Variants in MECOM observed in about 807,000 individuals in gnomAD.
MECOM encodes the protein MDS1 and EVI1 complex locus.
In MECOM, 13 loss-of-function variants were observed where a neutral mutation model predicts 116.3. The observed-to-expected ratio is 0.11, with a 90% CI of 0.07 to 0.18. MECOM has a LOEUF of 0.18. Ranked by LOEUF, MECOM falls within the 10% of genes least tolerant of loss-of-function variation. MECOM has a pLI of 1.00. For missense variants in MECOM, 1,299 were observed against 1,509.0 expected (o/e 0.86, Z 2.31); for synonymous variants, 528 against 535.2 (o/e 0.99, Z 0.19).
chr3:169,510,933 C>T (rs541056415), intron 1 of MECOM, among the ~76,000 whole-genome samples: 61 of 152,310 alleles, frequency 4.0e-4, no homozygotes, highest in Non-Finnish European at 6.9e-4. Flanking sequence ...AATCATCACC[C>T]TTTGCCACTG....
At chr3:169,620,069 G>A (rs1204442723) in intron 1 of MECOM, among the ~76,000 whole-genome samples, 4 of 152,188 alleles carry the variant, frequency 2.6e-5, no homozygotes, top group African/African-American at 4.8e-5. Context: ...CATCCGAGCC[G>A]AAGCAATGGG....
At chr3:169,613,353 C>G (rs536834518) in intron 1 of MECOM, among the ~76,000 whole-genome samples, 58 of 152,242 alleles carry the variant, frequency 3.8e-4, no homozygotes, top group African/African-American at 1.3e-3. Flanking sequence ...TTTTTAACAT[C>G]GGGGCGGAAA....
intron 1 of MECOM, among the ~76,000 whole-genome samples, chr3:169,650,090 A>G (rs1358013576): frequency 6.6e-6 from 1 of 152,260 alleles, no homozygotes; most frequent in Non-Finnish European, 1.5e-5. Context: ...TTTATAACTT[A>G]TAATCAAAAA....
At chr3:169,640,675 C>T (rs1363232282) in intron 1 of MECOM, among the ~76,000 whole-genome samples, 1 of 152,226 alleles carries the variant, frequency 6.6e-6, no homozygotes, top group Non-Finnish European at 1.5e-5. Context: ...AACATCACCA[C>T]ACCCTTATGA....
At position 169,367,178 on chromosome 3, in the gene MECOM, G is replaced by A. The variant is rs1040194031; in HGVS notation, c.375+14009C>T. ...GAGTGCTGGATTATGAGGAGAGTGAGAATTTTGAGAGGAGAGAGTCTGAAA... is the reference window on the plus strand; with the variant it reads ...GAGTGCTGGATTATGAGGAGAGTGAAAATTTTGAGAGGAGAGAGTCTGAAA... On this transcript the variant is annotated intron_variant, in intron 2 of 16. Transcript: ENST00000651503. Among the ~76,000 whole-genome samples the A allele has an allele frequency of 7.9e-5, 12 of 152,056 alleles. No homozygotes were observed. In the South Asian group the frequency reaches 8.3e-4, roughly 10 times the overall value.
chr3:169,544,355 G>C (rs559710025), intron 1 of MECOM, among the ~76,000 whole-genome samples: 6 of 152,218 alleles, frequency 3.9e-5, no homozygotes, highest in African/African-American at 1.4e-4. Context: ...ATAGAAAAAG[G>C]CATACTTCTT....
At chr3:169,379,024 A>T (rs2108264728) in intron 2 of MECOM, among the ~76,000 whole-genome samples, 1 of 152,072 alleles carries the variant, frequency 6.6e-6, no homozygotes, top group East Asian at 1.9e-4. Context: ...AATAGGAGGA[A>T]AACCAGCTAG....
intron 1 of MECOM, among the ~76,000 whole-genome samples, chr3:169,527,855 C>T (rs1758138626): frequency 1.3e-5 from 2 of 152,212 alleles, no homozygotes; most frequent in Admixed American, 6.5e-5. Flanking sequence ...TGGGTCACAG[C>T]TTCACTCCAC....
intron 2 of MECOM, among the ~76,000 whole-genome samples, chr3:169,174,337 C>T (rs1744848212): frequency 6.6e-6 from 1 of 152,142 alleles, no homozygotes; most frequent in Non-Finnish European, 1.5e-5. Flanking sequence ...GATCCTACCA[C>T]CAAGCACTTC....
chr3:169,556,377 G>T lies in MECOM; in HGVS notation c.37+106959C>A, dbSNP rs41418746. 6.5e-3 allele frequency among the ~76,000 whole-genome samples: 997 copies of T among 152,272 alleles called. 14 individuals carry two copies. The highest frequency in any genetic ancestry group is 0.023 in the African/African-American group (953 of 41,552). ...GATCTACTGGATTTGGGCTGAGAAA[G>T]ATACTTGAATGACTTTGTTGAAGGT... On this transcript the variant is annotated intron_variant, in intron 1 of 16. Transcript: ENST00000651503.
At chr3:169,399,236 T>C (rs911475251) in intron 1 of MECOM, among the ~76,000 whole-genome samples, 3 of 152,190 alleles carry the variant, frequency 2.0e-5, no homozygotes, top group Non-Finnish European at 4.4e-5. Context: ...TACGCACATG[T>C]ACCCTAGAAC....
intron 1 of MECOM, among the ~76,000 whole-genome samples, chr3:169,578,469 G>A (rs1014651418): frequency 3.9e-5 from 6 of 152,118 alleles, no homozygotes; most frequent in African/African-American, 1.4e-4. Flanking sequence ...AATAAAGCAA[G>A]ACATATTTAA....
rs988721857 is a variant in MECOM, at chr3:169,134,458, T to C, written c.511-2927A>G. 3.3e-5 allele frequency among the ~76,000 whole-genome samples: 5 copies of C among 152,288 alleles called. No individual in the cohort carries two copies. The East Asian group carries it at 7.7e-4, about 24-fold the overall frequency. The stretch of plus-strand genomic sequence containing the variant: ...CAAAGTGGATTTTAACTTCAGGGTG[T>C]TCTTTTCAATTTTAAGTGAGTTTTT... On this transcript the variant is annotated intron_variant, in intron 3 of 16. Coordinates refer to ENST00000651503, the MANE Select transcript of MECOM (RefSeq NM_004991.4).
intron 1 of MECOM, among the ~76,000 whole-genome samples, chr3:169,584,383 G>A (rs143373116): frequency 0.089 from 13,501 of 151,122 alleles, 824 homozygotes; most frequent in East Asian, 0.19. Flanking sequence ...GGCTAACACG[G>A]TGAAACCCCG....
chr3:169,575,867 G>A (rs1764434468), intron 1 of MECOM, among the ~76,000 whole-genome samples: 1 of 150,222 alleles, frequency 6.7e-6, no homozygotes, highest in African/African-American at 2.4e-5. Context: ...GTTCCCTTAA[G>A]AGTTAAAAAA....
At chr3:169,153,674 A>T (rs542586259) in intron 2 of MECOM, among the ~76,000 whole-genome samples, 1 of 152,194 alleles carries the variant, frequency 6.6e-6, no homozygotes, top group African/African-American at 2.4e-5. Context: ...TCTTGTGGGG[A>T]AAGTTTGTTG....
At chr3:169,246,883 T>C (rs757083018) in intron 2 of MECOM, among the ~76,000 whole-genome samples, 10 of 152,220 alleles carry the variant, frequency 6.6e-5, no homozygotes, top group Non-Finnish European at 1.3e-4. Flanking sequence ...TGCTGTTCTT[T>C]GCTTTAAGCA....
chr3:169,600,077 T>C (rs1333122029), intron 1 of MECOM, among the ~76,000 whole-genome samples: 1 of 152,100 alleles, frequency 6.6e-6, no homozygotes, highest in African/African-American at 2.4e-5. Context: ...ACTCAAGCCA[T>C]TCTCGTGCCT....
chr3:169,579,403 C>A (rs1005433412), intron 1 of MECOM, among the ~76,000 whole-genome samples: 1 of 152,010 alleles, frequency 6.6e-6, no homozygotes, highest in African/African-American at 2.4e-5. Flanking sequence ...GTTTTTTAGG[C>A]CTCATCTCAT....
Sources: gnomAD v4.1 joint callset for allele counts (sites outside exome capture counted in the v4.1 genomes callset) on GRCh38, gnomAD v4.1.1 for gene constraint, MANE v1.5 for transcripts, NCBI Gene and HGNC (gene_info 2026-07-23, HGNC 2026-07-21) for gene names.